Variants in L3MBTL4 observed in about 807,000 individuals in gnomAD.
The protein encoded by L3MBTL4 is lethal(3)malignant brain tumor-like protein 4.
Under a neutral mutation model 84.5 loss-of-function variants are expected in L3MBTL4, and 70 were observed. The ratio of observed to expected loss-of-function variants is 0.83; its 90% CI spans 0.68 to 1.01. The LOEUF is 1.01. Among genes scored for constraint, L3MBTL4 ranks in the 50% least tolerant of loss-of-function variants. L3MBTL4 has a pLI of 0.00. For missense variants in L3MBTL4, 715 were observed against 754.8 expected (o/e 0.95, Z 0.62); for synonymous variants, 274 against 259.8 (o/e 1.05, Z -0.52).
intron 16 of L3MBTL4, 147 bp from the exon 17 acceptor site, chr18:5,969,709 C>T: frequency 1.4e-6 from 1 of 695,804 alleles, no homozygotes; most frequent in South Asian, 1.9e-5. Flanking sequence ...CAGCATCACC[C>T]CCAAGCATAC....
intron 16 of L3MBTL4, among the ~76,000 whole-genome samples, chr18:6,076,273 T>C (rs1410300662): frequency 6.6e-6 from 1 of 152,170 alleles, no homozygotes; most frequent in Non-Finnish European, 1.5e-5. Flanking sequence ...AACTGAATAA[T>C]ATGTAGCAAT....
chr18:6,071,650 A>G (rs2057606014), intron 16 of L3MBTL4, among the ~76,000 whole-genome samples: 1 of 150,140 alleles, frequency 6.7e-6, no homozygotes, highest in African/African-American at 2.5e-5. Context: ...GAAAGAAAGA[A>G]AAAGAAGAAA....
At chr18:6,276,699 T>A (rs114428123) in intron 4 of L3MBTL4, among the ~76,000 whole-genome samples, 38 of 132,236 alleles carry the variant, frequency 2.9e-4, no homozygotes, top group Non-Finnish European at 3.7e-4. Context: ...TAAATTCTAG[T>A]GGGTGAAGAC....
chr18:6,109,894 A>T (rs1384226342), intron 14 of L3MBTL4, among the ~76,000 whole-genome samples: 1 of 151,470 alleles, frequency 6.6e-6, no homozygotes, highest in Non-Finnish European at 1.5e-5. Context: ...AGGTCAGTGC[A>T]CCCTCCAGGC....
chr18:6,363,824 C>T (rs1447955900), intron 1 of L3MBTL4, among the ~76,000 whole-genome samples: 2 of 152,066 alleles, frequency 1.3e-5, no homozygotes, highest in Non-Finnish European at 2.9e-5. Flanking sequence ...AAACAGACAC[C>T]GAGCTTCAAA....
At chr18:6,361,859 C>T (rs942865250) in intron 1 of L3MBTL4, among the ~76,000 whole-genome samples, 17 of 152,040 alleles carry the variant, frequency 1.1e-4, no homozygotes, top group Non-Finnish European at 1.9e-4. Flanking sequence ...GGCGTGGTTG[C>T]AGTCCCAGCA....
At chr18:5,987,601 G>T (rs553669585) in intron 16 of L3MBTL4, among the ~76,000 whole-genome samples, 1 of 152,188 alleles carries the variant, frequency 6.6e-6, no homozygotes, top group Non-Finnish European at 1.5e-5. Context: ...ACCTTTAGCA[G>T]CCATTATCAT....
chr18:6,241,478 C>T (rs1399934238), intron 7 of L3MBTL4, 29 bp from the exon 8 acceptor site: 1 of 1,236,310 alleles, frequency 8.1e-7, no homozygotes, highest in Non-Finnish European at 1.2e-6. Context: ...ACTCAAAATA[C>T]CCAAAAGATG....
At chr18:6,140,785 C>G (rs1025315520) in intron 13 of L3MBTL4, among the ~76,000 whole-genome samples, 1 of 151,998 alleles carries the variant, frequency 6.6e-6, no homozygotes, top group African/African-American at 2.4e-5. Flanking sequence ...AAAACAAAAG[C>G]TTACAACTCT....
At chr18:6,251,152 A>G (rs1216567398) in intron 5 of L3MBTL4, among the ~76,000 whole-genome samples, 1 of 152,244 alleles carries the variant, frequency 6.6e-6, no homozygotes, top group Non-Finnish European at 1.5e-5. Flanking sequence ...ACCAAAGAGA[A>G]AGTTAGGAAG....
chr18:6,350,487 T>G (rs1379207261), intron 1 of L3MBTL4, among the ~76,000 whole-genome samples: 2 of 150,382 alleles, frequency 1.3e-5, no homozygotes, highest in Admixed American at 6.6e-5. Context: ...CCAATAATCA[T>G]GAAAAAATAC....
intron 15 of L3MBTL4, among the ~76,000 whole-genome samples, chr18:6,090,593 T>TAC (rs71163260): frequency 0.021 from 1,820 of 86,718 alleles, 21 homozygotes; most frequent in Middle Eastern, 0.062. Flanking sequence ...ATTATATATA[T>TAC]ACACACACAC....
At chr18:6,089,155 G>C (rs2058355489) in intron 15 of L3MBTL4, among the ~76,000 whole-genome samples, 1 of 152,112 alleles carries the variant, frequency 6.6e-6, no homozygotes, top group East Asian at 1.9e-4. Context: ...GGGGAAACCA[G>C]CTAATAGACA....
intron 12 of L3MBTL4, among the ~76,000 whole-genome samples, chr18:6,196,529 T>G (rs2045405330): frequency 6.6e-6 from 1 of 152,146 alleles, no homozygotes; most frequent in Non-Finnish European, 1.5e-5. Flanking sequence ...CTCTTAAAAT[T>G]TGGGGCTTTG....
intron 1 of L3MBTL4, among the ~76,000 whole-genome samples, chr18:6,319,647 C>G (rs1408007187): frequency 6.6e-6 from 1 of 151,604 alleles, no homozygotes; most frequent in African/African-American, 2.4e-5. Context: ...TTTAAAATGT[C>G]AACAAAAAAA....
intron 1 of L3MBTL4, among the ~76,000 whole-genome samples, chr18:6,372,851 T>C (rs2054211898): frequency 1.3e-5 from 2 of 152,336 alleles, no homozygotes; most frequent in African/African-American, 2.4e-5. Context: ...ACTTAAAACA[T>C]GTTTTCCTGC....
chr18:6,212,431 A>G (rs528310125), intron 12 of L3MBTL4, among the ~76,000 whole-genome samples: 1 of 152,350 alleles, frequency 6.6e-6, no homozygotes, highest in South Asian at 2.1e-4. Flanking sequence ...AAAAGAAACT[A>G]TACTTGCATG....
intron 1 of L3MBTL4, among the ~76,000 whole-genome samples, chr18:6,407,906 C>G (rs763993636): frequency 6.6e-6 from 1 of 152,134 alleles, no homozygotes. Context: ...GGAAAGCGCA[C>G]AGTATGTATA....
intron 16 of L3MBTL4, among the ~76,000 whole-genome samples, chr18:6,008,749 T>C (rs1211947185): frequency 6.6e-6 from 1 of 152,196 alleles, no homozygotes; most frequent in Non-Finnish European, 1.5e-5. Flanking sequence ...TTGGATTTTG[T>C]ATAAATTCCT....
Sources: allele counts gnomAD v4.1 joint callset (sites outside exome capture counted in the v4.1 genomes callset), GRCh38; gene constraint gnomAD v4.1.1; transcripts MANE v1.5; gene names NCBI Gene and HGNC (gene_info 2026-07-23, HGNC 2026-07-21).